Variants in LRRC56 observed in about 807,000 individuals in gnomAD.
The protein encoded by LRRC56 is leucine rich repeat containing 56.
LRRC56 carries 41 observed loss-of-function variants against 47.8 expected under a neutral mutation model. The observed-to-expected ratio is 0.86, with a 90% CI of 0.67 to 1.11. LRRC56 has a LOEUF of 1.11. LRRC56 is among the 50% of genes most tolerant of loss of function. The probability of loss-of-function intolerance (pLI) is 0.00; values close to 1 mark genes in which losing one functional copy is unlikely to be tolerated. For missense variants in LRRC56, 759 were observed against 704.2 expected (o/e 1.08, Z -0.88); for synonymous variants, 387 against 311.2 (o/e 1.24, Z -2.56).
At chr11:516,522 A>T in the LRRC56 span, among the ~76,000 whole-genome samples, 1 of 152,244 alleles carries the variant, frequency 6.6e-6, no homozygotes, top group African/African-American at 2.4e-5. Context: ...GCCCATGAGC[A>T]CACATATATG....
chr11:511,690 G>T, the LRRC56 span, among the ~76,000 whole-genome samples: 1 of 152,190 alleles, frequency 6.6e-6, no homozygotes, highest in East Asian at 1.9e-4. Context: ...CTGGAGATCC[G>T]TGCTGATGTG....
chr11:533,162 GC>G, upstream of LRRC56: 1 of 963,478 alleles, frequency 1.0e-6, no homozygotes, highest in Non-Finnish European at 1.5e-6. Flanking sequence ...GCTCAGGGCA[GC>G]TCTCCCCAAG....
Position 541,792 on chromosome 11 carries a change from G to A in LRRC56, c.265+168G>A, listed in dbSNP as rs189961491. ...GGTCTGTGTCAGGTACAGGCAGAGG[G>A]CAATGCACTCAGCACCCCGCACACC... On this transcript the variant is annotated intron_variant, in intron 5 of 13. Transcript: ENST00000270115. This position sits in a 1 kb window ranked among gnomAD's most constrained non-coding sequence, Gnocchi z 4.1. Among the ~76,000 whole-genome samples, 194 of 152,072 alleles carry A rather than the reference G, an allele frequency of 1.3e-3. No homozygotes were observed. The highest frequency in any genetic ancestry group is 5.8e-3 in the South Asian group (28 of 4,820).
In LRRC56 at chr11:550,010, C is replaced by T; in HGVS notation, c.423+12C>T. ...TGCCAGCACTTAAGGTGAGTCTGGG[C>T]ACCCTGGGCTGGGGAGGCCTGGGCT... On this transcript the variant is annotated intron_variant, in intron 7 of 13. Transcript: ENST00000270115. 1 of 1,612,212 alleles carries T rather than the reference C, an allele frequency of 6.2e-7. No homozygotes were observed.
Position 546,060 on chromosome 11 carries a change from C to T in LRRC56, c.326+1280C>T, listed in dbSNP as rs530411080. On this transcript the variant is annotated intron_variant, in intron 6 of 13. Coordinates refer to ENST00000270115, the MANE Select transcript of LRRC56 (RefSeq NM_198075.4). ...CCGAGGTGGGCAGATCACCTGAGGT[C>T]AGGAGTTCGAGACCAGCCTGACCAA... 1.2e-3 allele frequency among the ~76,000 whole-genome samples: 177 copies of T among 151,982 alleles called. 1 individual carries two copies. In the South Asian group the frequency reaches 0.012, roughly 10 times the overall value.
the LRRC56 span, among the ~76,000 whole-genome samples, chr11:512,559 G>A: frequency 5.9e-5 from 9 of 152,174 alleles, no homozygotes; most frequent in Admixed American, 3.9e-4. Context: ...ATACGTTTGC[G>A]TTTACATGGT....
At chr11:544,845 A>G (rs1851992965) in intron 6 of LRRC56, 65 bp downstream of exon 6, 1 of 780,544 alleles carries the variant, frequency 1.3e-6, no homozygotes, top group Non-Finnish European at 1.8e-6. Context: ...CAGGCCCTGC[A>G]GGGATGGGGG....
At chr11:508,582 C>T in the LRRC56 span, among the ~76,000 whole-genome samples, 4 of 142,618 alleles carry the variant, frequency 2.8e-5, no homozygotes, top group Non-Finnish European at 4.6e-5. Context: ...GCCTGGCCAA[C>T]GTGGTGAAAC....
upstream of LRRC56, chr11:534,343 C>T (rs1350316539): frequency 1.9e-6 from 3 of 1,592,528 alleles, no homozygotes; most frequent in African/African-American, 1.3e-5. Flanking sequence ...GGGCCTGCGG[C>T]CCGGGGTCCT....
At chr11:515,071 T>A in the LRRC56 span, among the ~76,000 whole-genome samples, 2 of 152,224 alleles carry the variant, frequency 1.3e-5, no homozygotes. Context: ...TTCATTGATT[T>A]TCCTCTTCTT....
chr11:550,406 ACCT>A (rs1852323391), intron 8 of LRRC56, 134 bp downstream of exon 8: 2 of 823,394 alleles, frequency 2.4e-6, no homozygotes, highest in East Asian at 5.5e-5. Context: ...CCATGAGTTC[ACCT>A]CCTCTGTCAC....
At chr11:528,169 A>G in the LRRC56 span, among the ~76,000 whole-genome samples, 1 of 152,148 alleles carries the variant, frequency 6.6e-6, no homozygotes, top group South Asian at 2.1e-4. Flanking sequence ...GCCTCCCTGG[A>G]TGGATGTTGG....
chr11:527,804 G>C, the LRRC56 span, among the ~76,000 whole-genome samples: 4 of 145,330 alleles, frequency 2.8e-5, no homozygotes, highest in East Asian at 8.1e-4. Flanking sequence ...GGGTTCAATC[G>C]ATTCTCCTGC....
the LRRC56 span, among the ~76,000 whole-genome samples, chr11:523,030 T>G: frequency 6.6e-6 from 1 of 151,994 alleles, no homozygotes; most frequent in Non-Finnish European, 1.5e-5. Flanking sequence ...ATATATAGTT[T>G]TTTGTTTTGT....
chr11:534,183 T>C, upstream of LRRC56: 1 of 1,552,140 alleles, frequency 6.4e-7, no homozygotes, highest in Non-Finnish European at 8.9e-7. Flanking sequence ...CAGCAGCTGC[T>C]GGCACCTGGA....
At chr11:550,576 G>A (rs1345079622) in intron 8 of LRRC56, among the ~76,000 whole-genome samples, 1 of 152,166 alleles carries the variant, frequency 6.6e-6, no homozygotes, top group African/African-American at 2.4e-5. Flanking sequence ...GTACACGGAT[G>A]TGTGCACACA....
chr11:551,589 CAG>C (rs2134066114), intron 9 of LRRC56, 60 bp from the exon 10 acceptor site: 2 of 1,502,402 alleles, frequency 1.3e-6, no homozygotes, highest in African/African-American at 1.4e-5. Flanking sequence ...GGTCTGTGGA[CAG>C]AGTCTGGGGG....
At chr11:543,507 G>C (rs909210327) in intron 5 of LRRC56, among the ~76,000 whole-genome samples, 1 of 151,870 alleles carries the variant, frequency 6.6e-6, no homozygotes, top group African/African-American at 2.4e-5. Flanking sequence ...GAGCCACCAC[G>C]CCAGGCCCCA....
chr11:542,769 G>C (rs1420006473), intron 5 of LRRC56, among the ~76,000 whole-genome samples: 1 of 152,064 alleles, frequency 6.6e-6, no homozygotes, highest in East Asian at 1.9e-4. Context: ...TGACACTTCA[G>C]TGTGTATTTC....
Sources: allele counts gnomAD v4.1 joint callset (sites outside exome capture counted in the v4.1 genomes callset), GRCh38; gene constraint gnomAD v4.1.1; non-coding constraint Gnocchi (gnomAD v3.1); transcripts MANE v1.5; gene names NCBI Gene and HGNC (gene_info 2026-07-23, HGNC 2026-07-21).